PKNOX2: variants seen among roughly 807,000 people sequenced by gnomAD.
PKNOX2 encodes the protein homeobox protein PKNOX2.
A neutral mutation model predicts 53.1 loss-of-function variants in PKNOX2; 14 were observed. The observed-to-expected ratio is 0.26, with a 90% CI of 0.17 to 0.41. The LOEUF is 0.41. PKNOX2 is among the 10% of genes least tolerant of loss of function. The pLI, the probability that PKNOX2 is intolerant of heterozygous loss-of-function variation, is 1.00. For synonymous variants in PKNOX2, 257 were observed against 242.8 expected (o/e 1.06, Z -0.54); for missense variants, 496 against 602.8 (o/e 0.82, Z 1.85).
In PKNOX2 at chr11:125,431,314, G is replaced by A. The variant is rs1280500830; in HGVS notation, c.1341G>A (p.Glu447=). ...AGATGGAAGAGGAGGAGGAGGAGGA[G>A]CTGGAGGAGGAGGTCGACGAGCTGC... ...EDEMEEEEEE[E]LEEEVDELQT... The change falls in exon 13 of 13, where the codon GAG becomes GAA. Residue 447 remains glutamate, a synonymous_variant. Transcript: ENST00000298282. 6.2e-7 allele frequency: 1 copy of A among 1,613,508 alleles called. No individual in the cohort carries two copies. Among genetic ancestry groups the A allele is most frequent in the South Asian group, 1.1e-5 (1 of 91,026 alleles).
chr11:125,185,507 G>A (rs180993771), intron 1 of PKNOX2, among the ~76,000 whole-genome samples: 1 of 152,032 alleles, frequency 6.6e-6, no homozygotes, highest in East Asian at 1.9e-4. Context: ...TACCTATTAA[G>A]CAATAACTCT....
chr11:125,207,251 T>A (rs978932826), intron 1 of PKNOX2, among the ~76,000 whole-genome samples: 23 of 152,134 alleles, frequency 1.5e-4, no homozygotes, highest in African/African-American at 5.6e-4. Flanking sequence ...CTCCCTTCTT[T>A]GTTTTTCCTT....
intron 1 of PKNOX2, among the ~76,000 whole-genome samples, chr11:125,172,332 T>C (rs1351424247): frequency 6.6e-6 from 1 of 152,146 alleles, no homozygotes; most frequent in Non-Finnish European, 1.5e-5. Flanking sequence ...CTTAGACCAA[T>C]GAGTTGGTGC....
At chr11:125,327,518 C>T (rs1949896260) in intron 2 of PKNOX2, among the ~76,000 whole-genome samples, 1 of 152,206 alleles carries the variant, frequency 6.6e-6, no homozygotes, top group Non-Finnish European at 1.5e-5. Context: ...TGCTTATTAG[C>T]TTTCAGAGAG....
intron 2 of PKNOX2, among the ~76,000 whole-genome samples, chr11:125,316,405 A>G (rs1949195521): frequency 6.6e-6 from 1 of 152,230 alleles, no homozygotes; most frequent in Non-Finnish European, 1.5e-5. Context: ...CCCTAGCTTC[A>G]TCTTGAATTT....
At chr11:125,415,862 G>C (rs1156958720) in intron 10 of PKNOX2, among the ~76,000 whole-genome samples, 1 of 152,146 alleles carries the variant, frequency 6.6e-6, no homozygotes, top group Non-Finnish European at 1.5e-5. Context: ...ATTCAAAAGA[G>C]ATACTTTAAT....
intron 2 of PKNOX2, among the ~76,000 whole-genome samples, chr11:125,250,628 C>A (rs542435711): frequency 2.6e-5 from 4 of 152,160 alleles, no homozygotes; most frequent in Non-Finnish European, 5.9e-5. Flanking sequence ...ATTTTTATAT[C>A]GAGGGTGTCT....
chr11:125,280,191 G>A (rs181405728), intron 2 of PKNOX2, among the ~76,000 whole-genome samples: 13 of 151,550 alleles, frequency 8.6e-5, no homozygotes, highest in Non-Finnish European at 1.3e-4. Context: ...AACCTCAGTC[G>A]GGGCTGAGAA....
At chr11:125,317,291 T>C (rs1949258154) in intron 2 of PKNOX2, among the ~76,000 whole-genome samples, 1 of 152,244 alleles carries the variant, frequency 6.6e-6, no homozygotes, top group South Asian at 2.1e-4. Context: ...CCTGTTAATG[T>C]TGATATTTTG....
At chr11:125,195,447 G>C (rs569830652) in intron 1 of PKNOX2, among the ~76,000 whole-genome samples, 1 of 152,280 alleles carries the variant, frequency 6.6e-6, no homozygotes, top group South Asian at 2.1e-4. Context: ...AGGAGGAGGG[G>C]TGAAGACTTT....
At chr11:125,257,641 C>A (rs1021575538) in intron 2 of PKNOX2, among the ~76,000 whole-genome samples, 1 of 152,206 alleles carries the variant, frequency 6.6e-6, no homozygotes, top group Non-Finnish European at 1.5e-5. Flanking sequence ...GACGATCCTG[C>A]CCACAGGTAA....
chr11:125,227,552 AT>A (rs1444397369), intron 1 of PKNOX2, among the ~76,000 whole-genome samples: 1 of 152,170 alleles, frequency 6.6e-6, no homozygotes, highest in Non-Finnish European at 1.5e-5. Flanking sequence ...ATGTGTGAGA[AT>A]TTCCTTCCTT....
chr11:125,408,717 T>C (rs143943715), intron 7 of PKNOX2, among the ~76,000 whole-genome samples: 10 of 152,128 alleles, frequency 6.6e-5, no homozygotes, highest in Non-Finnish European at 1.3e-4. Flanking sequence ...GGTTCTGTGT[T>C]GTCAGGGTCT....
At chr11:125,409,863 T>A (rs1955393824) in intron 7 of PKNOX2, among the ~76,000 whole-genome samples, 1 of 152,048 alleles carries the variant, frequency 6.6e-6, no homozygotes, top group South Asian at 2.1e-4. Flanking sequence ...AATGAGACTC[T>A]CTGAGATTGG....
At chr11:125,205,310 G>A (rs756643535) in intron 1 of PKNOX2, among the ~76,000 whole-genome samples, 5 of 152,024 alleles carry the variant, frequency 3.3e-5, no homozygotes, top group East Asian at 1.9e-4. Flanking sequence ...GGTGGGGAGC[G>A]GGGGAGAGCT....
chr11:125,287,252 C>G (rs958607579), intron 2 of PKNOX2, among the ~76,000 whole-genome samples: 15 of 152,108 alleles, frequency 9.9e-5, no homozygotes, highest in African/African-American at 3.4e-4. Flanking sequence ...CTGTCTGACC[C>G]CAGAGCCCGG....
At chr11:125,415,110 T>C (rs1403321348) in intron 10 of PKNOX2, among the ~76,000 whole-genome samples, 1 of 152,160 alleles carries the variant, frequency 6.6e-6, no homozygotes, top group African/African-American at 2.4e-5. Context: ...ATTATATTCC[T>C]CTAGGAGCCC....
At chr11:125,347,805 G>GAACAAAACAA (rs200378292) in intron 3 of PKNOX2, among the ~76,000 whole-genome samples, 1 of 152,134 alleles carries the variant, frequency 6.6e-6, no homozygotes, top group African/African-American at 2.4e-5. Context: ...TTTCAGCACT[G>GAACAAAACAA]AACAAAACAA....
In PKNOX2 at chr11:125,349,411, G is replaced by C. The variant is rs183214512; in HGVS notation, c.-22-1873G>C. On this transcript the variant is annotated intron_variant, in intron 3 of 12. Transcript: ENST00000298282. ...TTGCAAAAGGAAATTGGATCTTAGGGACCAGCGGTGTGTGAGATGGGCGAG... is the reference window on the plus strand; with the variant it reads ...TTGCAAAAGGAAATTGGATCTTAGGCACCAGCGGTGTGTGAGATGGGCGAG... Among the ~76,000 whole-genome samples the C allele has an allele frequency of 4.0e-4, 61 of 152,298 alleles. No individual in the cohort carries two copies. In the East Asian group the frequency reaches 0.012, roughly 29 times the overall value.
Sources: gnomAD v4.1 joint callset for allele counts (sites outside exome capture counted in the v4.1 genomes callset) on GRCh38, gnomAD v4.1.1 for gene constraint, MANE v1.5 for transcripts, NCBI Gene and HGNC (gene_info 2026-07-23, HGNC 2026-07-21) for gene names.